ADAMTSL1: variants seen among roughly 807,000 people sequenced by gnomAD.
ADAMTSL1 encodes ADAMTS like 1.
ADAMTSL1 carries 126 observed loss-of-function variants against 201.8 expected under a neutral mutation model. The ratio of observed to expected loss-of-function variants is 0.62; its 90% confidence interval spans 0.54 to 0.72. The LOEUF is 0.72. Among genes scored for constraint, ADAMTSL1 ranks in the 30% least tolerant of loss-of-function variants. ADAMTSL1 has a pLI of 0.00. For synonymous variants in ADAMTSL1, 1,121 were observed against 903.4 expected (o/e 1.24, Z -4.32); for missense variants, 2,679 against 2,277.8 (o/e 1.18, Z -3.59).
chr9:18,828,906 C>T (rs1824797989), intron 22 of ADAMTSL1, among the ~76,000 whole-genome samples: 1 of 151,708 alleles, frequency 6.6e-6, no homozygotes, highest in Non-Finnish European at 1.5e-5. Context: ...AGGGCTGTTG[C>T]AGAATGCTGT....
intron 4 of ADAMTSL1, among the ~76,000 whole-genome samples, chr9:18,610,912 C>A: frequency 6.6e-6 from 1 of 152,138 alleles, no homozygotes; most frequent in East Asian, 1.9e-4. Context: ...TGGACCATAT[C>A]TGGAATTTAA....
chr9:18,385,044 G>A (rs1446731063), intron 2 of ADAMTSL1, among the ~76,000 whole-genome samples: 1 of 152,170 alleles, frequency 6.6e-6, no homozygotes, highest in Non-Finnish European at 1.5e-5. Flanking sequence ...CCCTGGGGAT[G>A]CAGACATAAA....
At chr9:18,474,096 C>G, upstream of ADAMTSL1, 4 of 447,602 alleles carry the variant, frequency 8.9e-6, no homozygotes, top group Admixed American at 2.9e-5. Context: ...ACCCCTCGGT[C>G]AGGAAATGTG....
chr9:18,284,156 G>A (rs1263937557), intron 2 of ADAMTSL1, among the ~76,000 whole-genome samples: 1 of 151,738 alleles, frequency 6.6e-6, no homozygotes, highest in African/African-American at 2.4e-5. Context: ...TCGAACCTGG[G>A]AGGCAGAGGT....
intron 1 of ADAMTSL1, among the ~76,000 whole-genome samples, chr9:18,079,744 G>A (rs1831329): frequency 0.013 from 1,972 of 151,688 alleles, 34 homozygotes; most frequent in African/African-American, 0.045. Context: ...AAAATAAAAA[G>A]CAACCATTGG....
At chr9:18,366,559 T>C (rs539398929) in intron 2 of ADAMTSL1, among the ~76,000 whole-genome samples, 2 of 152,120 alleles carry the variant, frequency 1.3e-5, no homozygotes, top group Admixed American at 6.5e-5. Flanking sequence ...CATTGTGGTA[T>C]GTTAATATTA....
chr9:18,059,533 T>C (rs1248941573), intron 1 of ADAMTSL1, among the ~76,000 whole-genome samples: 1 of 152,196 alleles, frequency 6.6e-6, no homozygotes, highest in African/African-American at 2.4e-5. Context: ...CATATGACTT[T>C]GATAGGCCTT....
chr9:18,357,793 C>G (rs1256554344), intron 2 of ADAMTSL1, among the ~76,000 whole-genome samples: 1 of 152,060 alleles, frequency 6.6e-6, no homozygotes, highest in African/African-American at 2.4e-5. Context: ...GAAGACCTGT[C>G]ATTTACAATT....
chr9:18,151,612 A>C (rs1331192154), intron 1 of ADAMTSL1, among the ~76,000 whole-genome samples: 1 of 152,020 alleles, frequency 6.6e-6, no homozygotes, highest in Non-Finnish European at 1.5e-5. Flanking sequence ...AGACATCCTA[A>C]GTTTAAGATA....
intron 1 of ADAMTSL1, among the ~76,000 whole-genome samples, chr9:18,071,198 C>T (rs1253377449): frequency 1.3e-5 from 2 of 152,170 alleles, no homozygotes; most frequent in African/African-American, 4.8e-5. Flanking sequence ...ACAATAGTCC[C>T]ATGAAAACTG....
intron 1 of ADAMTSL1, among the ~76,000 whole-genome samples, chr9:18,028,137 G>A (rs931502741): frequency 8.5e-5 from 13 of 152,096 alleles, no homozygotes; most frequent in African/African-American, 3.1e-4. Context: ...ACAGCAGAGT[G>A]TTAGGCTGTT....
chr9:18,576,826 A>C (rs989289307), intron 4 of ADAMTSL1, among the ~76,000 whole-genome samples: 1 of 150,912 alleles, frequency 6.6e-6, no homozygotes, highest in Non-Finnish European at 1.5e-5. Context: ...TAGGTACTTT[A>C]TTTTTTTTTC....
In ADAMTSL1 at chr9:18,313,885, A is replaced by G. The variant is rs1274766505; in HGVS notation, c.207+149904A>G. On this transcript the variant is annotated intron_variant, in intron 2 of 29. Transcript: ENST00000680146. Reference sequence around the variant, plus strand: ...TGCACAGCAAACAGTCAACCAAATGAAAAGGCAACCTATAGAATGGGAGAA... The same window carrying G: ...TGCACAGCAAACAGTCAACCAAATGGAAAGGCAACCTATAGAATGGGAGAA... 2.0e-5 allele frequency among the ~76,000 whole-genome samples: 3 copies of G among 152,330 alleles called. No homozygotes were observed. In the East Asian group the frequency reaches 5.8e-4, roughly 29 times the overall value.
chr9:18,043,812 G>C (rs905372580), intron 1 of ADAMTSL1, among the ~76,000 whole-genome samples: 17 of 151,666 alleles, frequency 1.1e-4, no homozygotes, highest in Non-Finnish European at 2.2e-4. Context: ...ATTATACGTA[G>C]GTACAATGTA....
At chr9:18,379,968 G>A (rs1034214990) in intron 2 of ADAMTSL1, among the ~76,000 whole-genome samples, 7 of 152,106 alleles carry the variant, frequency 4.6e-5, no homozygotes, top group African/African-American at 1.7e-4. Flanking sequence ...AAGCACATAC[G>A]GAATGGGATC....
chr9:18,609,619 C>T (rs1338351961), intron 4 of ADAMTSL1, among the ~76,000 whole-genome samples: 1 of 152,136 alleles, frequency 6.6e-6, no homozygotes, highest in Admixed American at 6.6e-5. Context: ...TTGGAGTCTA[C>T]AGGTTCCCAG....
In ADAMTSL1 at chr9:18,656,886, C is replaced by A. The variant is rs541099548; in HGVS notation, c.835-753C>A. Among the ~76,000 whole-genome samples the A allele has an allele frequency of 2.6e-5, 4 of 152,042 alleles. No homozygotes were observed. In the South Asian group the frequency reaches 8.3e-4, roughly 32 times the overall value. On this transcript the variant is annotated intron_variant, in intron 7 of 28. Coordinates refer to ENST00000380548, the MANE Select transcript of ADAMTSL1 (RefSeq NM_001040272.6). The stretch of plus-strand genomic sequence containing the variant: ...TTCTCTTCAGTTTATGTTTTCTCAA[C>A]CTTGTACTCTTAAGAACCATTAAGG...
At chr9:18,203,686 A>C (rs903899636) in intron 2 of ADAMTSL1, among the ~76,000 whole-genome samples, 2 of 152,144 alleles carry the variant, frequency 1.3e-5, no homozygotes, top group African/African-American at 4.8e-5. Flanking sequence ...AATGTGAAAT[A>C]ATAGAAAATC....
At chr9:18,856,379 T>G (rs1427226443) in intron 23 of ADAMTSL1, among the ~76,000 whole-genome samples, 2 of 152,134 alleles carry the variant, frequency 1.3e-5, no homozygotes, top group Non-Finnish European at 2.9e-5. Flanking sequence ...TAACTAAACT[T>G]AATTTTAAAG....
Sources: gnomAD v4.1 joint callset for allele counts (sites outside exome capture counted in the v4.1 genomes callset) on GRCh38, gnomAD v4.1.1 for gene constraint, MANE v1.5 for transcripts, NCBI Gene and HGNC (gene_info 2026-07-23, HGNC 2026-07-21) for gene names.